GGT1: variants seen among roughly 807,000 people sequenced by gnomAD.
GGT1 encodes the protein gamma-glutamyltransferase 1.
GGT1 carries 21 observed loss-of-function variants against 56.0 expected under a neutral mutation model. The observed-to-expected ratio is 0.38, with a 90% CI of 0.27 to 0.54. The LOEUF (loss-of-function observed/expected upper bound fraction) is 0.54. Ranked by LOEUF, GGT1 falls within the 20% of genes least tolerant of loss-of-function variation. The pLI is 0.82. For synonymous variants in GGT1, 238 were observed against 342.6 expected (o/e 0.69, Z 3.37); for missense variants, 466 against 787.0 (o/e 0.59, Z 4.88).
upstream of GGT1, among the ~76,000 whole-genome samples, chr22:24,591,180 A>G (rs1310922162): frequency 2.6e-5 from 4 of 152,214 alleles, no homozygotes; most frequent in Admixed American, 2.6e-4. Context: ...CCCGGGTTCA[A>G]GCAATTCTCC....
chr22:24,626,261 GCCT>G, intron 11 of GGT1, among the ~76,000 whole-genome samples: 4 of 148,076 alleles, frequency 2.7e-5, no homozygotes, highest in Admixed American at 2.0e-4. Context: ...GGGATTACAG[GCCT>G]CGGCCTCCCA....
chr22:24,610,073 G>A (rs1176641181), intron 3 of GGT1, 40 bp downstream of exon 3: 11 of 457,664 alleles, frequency 2.4e-5, no homozygotes, highest in African/African-American at 4.2e-5. Context: ...GCAGGCTGGC[G>A]GTGCCCCCTG....
chr22:24,602,852 C>CCCT (rs2045807318), upstream of GGT1, among the ~76,000 whole-genome samples: 1 of 152,182 alleles, frequency 6.6e-6, no homozygotes, highest in Admixed American at 6.5e-5. Flanking sequence ...CATCTCCAGC[C>CCCT]CCTCCTGGCG....
At chr22:24,605,255 G>A (rs1284986165) in intron 1 of GGT1, among the ~76,000 whole-genome samples, 1 of 24,426 alleles carries the variant, frequency 4.1e-5, no homozygotes, top group Non-Finnish European at 7.0e-5. Flanking sequence ...TATATAATAT[G>A]TATTATATAT....
chr22:24,625,496 G>T (rs1378394119), intron 11 of GGT1, among the ~76,000 whole-genome samples: 1 of 151,900 alleles, frequency 6.6e-6, no homozygotes, highest in Non-Finnish European at 1.5e-5. Flanking sequence ...AAACTCCCGG[G>T]ATCAAACTAT....
chr22:24,588,820 C>T, the GGT1 span: 3 of 1,013,794 alleles, frequency 3.0e-6, no homozygotes, highest in Non-Finnish European at 3.5e-6. Context: ...GGGTCTGGGT[C>T]TGGGCTGACA....
At position 24,606,011 on chromosome 22, in the gene GGT1, TCA is replaced by T. The variant is rs1569050036; in HGVS notation, c.-428-1942_-428-1941del. Among the ~76,000 whole-genome samples, 21 of 31,358 alleles carry T rather than the reference TCA, an allele frequency of 6.7e-4. 4 individuals carry two copies. Among genetic ancestry groups the T allele is most frequent in the African/African-American group, 1.9e-3 (15 of 7,706 alleles). 20.6% of individuals were successfully genotyped at this position (31,358 alleles called of 152,430 possible). On this transcript the variant is annotated intron_variant, in intron 1 of 15. Transcript: ENST00000400382. ...ATATTTATATAATTTATATAATATA[TCA>T]TATATTATATTTATATAATTTATAT...
the GGT1 span, chr22:24,586,525 C>T: frequency 1.8e-5 from 20 of 1,109,836 alleles, no homozygotes; most frequent in Non-Finnish European, 2.6e-5. Flanking sequence ...AAGCCAGATT[C>T]AAACTGTGTC....
rs1407717367 is a variant in GGT1 at position 24,605,530 on chromosome 22, ATAT to A, written c.-429+2007_-429+2009del. Reference sequence around the variant, plus strand: ...TATAATGTGTATTATATATTATATAATATTATATAATGTGTATTATATATTATA... The same window carrying A: ...TATAATGTGTATTATATATTATATAATATATAATGTGTATTATATATTATA... On this transcript the variant is annotated intron_variant, in intron 1 of 15. Transcript: ENST00000400382. 2.1e-3 allele frequency among the ~76,000 whole-genome samples: 85 copies of A among 39,894 alleles called. 14 individuals carry two copies. The East Asian group carries it at 0.044, about 21-fold the overall frequency. The allele number at this position is 39,894 out of a possible 152,430, so 26.2% of individuals were successfully genotyped here.
the GGT1 span, chr22:24,588,396 A>G: frequency 8.0e-7 from 1 of 1,251,334 alleles, no homozygotes; most frequent in South Asian, 1.3e-5. Context: ...CCTTGGGGAG[A>G]GGGACCCAGG....
intron 5 of GGT1, among the ~76,000 whole-genome samples, chr22:24,612,455 TC>T (rs1374976841): frequency 1.2e-5 from 1 of 86,016 alleles, no homozygotes. Context: ...ATGCCATCCC[TC>T]CCCCCTCCCC....
chr22:24,611,429 C>T (rs1176796363), intron 5 of GGT1, among the ~76,000 whole-genome samples, 184 bp downstream of exon 5: 2 of 151,904 alleles, frequency 1.3e-5, no homozygotes, highest in African/African-American at 4.8e-5. Flanking sequence ...CAAACAGGGC[C>T]CCTTTTCTCA....
the GGT1 span, chr22:24,585,887 C>A: frequency 6.3e-7 from 1 of 1,578,190 alleles, no homozygotes; most frequent in South Asian, 1.1e-5. Context: ...GGTGGTGGGT[C>A]ACCTGGCACA....
chr22:24,628,579 C>T lies in GGT1; in HGVS notation c.1564-114C>T. 6 of 1,399,020 alleles carry T rather than the reference C, an allele frequency of 4.3e-6. No homozygotes were observed. Among genetic ancestry groups the T allele is most frequent in the Non-Finnish European group, 6.0e-6 (6 of 1,001,880 alleles). The allele number at this position is 1,399,020 out of a possible 1,614,324, so 86.7% of individuals were successfully genotyped here. A position where few individuals can be genotyped will look rare whatever the true frequency, so the allele number is the denominator to read the frequency against. ...ACCCAGCAGGCCCCAACCTGCTCTTCCTGATGACCTGGCCCGAAATGGCAC... is the reference window on the plus strand; with the variant it reads ...ACCCAGCAGGCCCCAACCTGCTCTTTCTGATGACCTGGCCCGAAATGGCAC... On this transcript the variant is annotated intron_variant, in intron 15 of 15. Transcript: ENST00000400382. The surrounding 1 kb of genome is among the most constrained non-coding windows in gnomAD (Gnocchi z 5.7).
chr22:24,592,776 C>G, upstream of GGT1: 1 of 1,283,722 alleles, frequency 7.8e-7, no homozygotes, highest in Non-Finnish European at 9.9e-7. Flanking sequence ...TACAGGCCCA[C>G]AACCCATAGC....
chr22:24,600,133 G>T (rs529477134), upstream of GGT1, among the ~76,000 whole-genome samples: 1 of 152,332 alleles, frequency 6.6e-6, no homozygotes, highest in Non-Finnish European at 1.5e-5. Context: ...CCAGGAGGGG[G>T]GCCCTTTGGG....
chr22:24,586,553 C>CAA, the GGT1 span: 2 of 977,836 alleles, frequency 2.0e-6, no homozygotes, highest in South Asian at 3.2e-5. Flanking sequence ...TTTTTTGAGA[C>CAA]AAAGTTTCGC....
rs1465456469 is a variant in GGT1, at chr22:24,611,091, A to C, written c.10A>C (p.Lys4Gln). 1 of 1,603,260 alleles carries C rather than the reference A, an allele frequency of 6.2e-7. No homozygotes were observed. The highest frequency in any genetic ancestry group is 8.5e-7 in the Non-Finnish European group (1 of 1,175,530). The stretch of plus-strand genomic sequence containing the variant: ...TGGGTGCAGCAGAGCCATGAAGAAG[A>C]AGTTAGTGGTGCTGGGCCTGCTGGC... MKKKLVVLGLLAVV... is the reference protein window; with the variant it reads MKKQLVVLGLLAVV... The change falls in exon 5 of 16, where the codon AAG (lysine) becomes CAG (glutamine). Residue 4 changes from lysine (K) to glutamine (Q), a missense_variant. Lys to Gln is a moderately conservative substitution (Grantham distance 53). Transcript: ENST00000400382.
At chr22:24,589,706 A>G in the GGT1 span, 1 of 1,236,382 alleles carries the variant, frequency 8.1e-7, no homozygotes, top group Non-Finnish European at 1.1e-6. Flanking sequence ...TGACTTGCCT[A>G]AGGCCACACA....
Sources: allele counts gnomAD v4.1 joint callset (sites outside exome capture counted in the v4.1 genomes callset), GRCh38; gene constraint gnomAD v4.1.1; non-coding constraint Gnocchi (gnomAD v3.1); transcripts MANE v1.5; gene names NCBI Gene and HGNC (gene_info 2026-07-23, HGNC 2026-07-21).